Variants in DHX9 observed in about 807,000 individuals in gnomAD.
DHX9 encodes the protein ATP-dependent RNA helicase A.
A neutral mutation model predicts 148.7 loss-of-function variants in DHX9; 27 were observed. The ratio of observed to expected loss-of-function variants is 0.18; its 90% CI spans 0.13 to 0.25. The LOEUF is 0.25. DHX9 is among the 10% of genes least tolerant of loss of function. The pLI, the probability that DHX9 is intolerant of heterozygous loss-of-function variation, is 1.00. For synonymous variants in DHX9, 529 were observed against 516.6 expected (o/e 1.02, Z -0.33); for missense variants, 796 against 1,559.6 (o/e 0.51, Z 8.25).
At position 182,887,192 on chromosome 1, in the gene DHX9, A is replaced by G; in HGVS notation, c.3571A>G (p.Ser1191Gly). ...SGGGYGGGYS[S>G]GGYGSGGYGG... ...TGGAGGCTATGGCGGTGGCTATAGC[A>G]GTGGAGGCTATGGTAGCGGAGGCTA... The change falls in exon 28 of 28, where the codon AGT becomes GGT. Residue 1191 changes from serine (S) to glycine (G), a missense_variant. Around this residue, in one of 14 missense-constraint regions of DHX9, gnomAD observed 98 missense variants for 105.5 expected, o/e 0.93. Transcript: ENST00000367549. 6.2e-7 allele frequency: 1 copy of G among 1,614,090 alleles called. No individual in the cohort carries two copies. The highest frequency in any genetic ancestry group is 8.5e-7 in the Non-Finnish European group (1 of 1,179,972).
Position 182,853,387 on chromosome 1 carries a change from A to G in DHX9, c.446A>G (p.Tyr149Cys), listed in dbSNP as rs1409649447. 1.2e-6 allele frequency: 2 copies of G among 1,613,978 alleles called. No homozygotes were observed. Among genetic ancestry groups the G allele is most frequent in the Non-Finnish European group, 1.7e-6 (2 of 1,179,960 alleles). ...CGAGGAGCCAACTTGAAGGATTACT[A>G]CTCAAGAAAGGAAGAACAAGAAGTG... is the stretch of plus-strand genomic sequence containing the variant. ...WDRGANLKDYYSRKEEQEVQA... is the reference protein window; with the variant it reads ...WDRGANLKDYCSRKEEQEVQA... Residue 149 changes from tyrosine (Y) to cysteine (C), a missense_variant, in exon 5 of 28, where the codon TAC becomes TGC. Around this residue, in one of 14 missense-constraint regions of DHX9, gnomAD observed 46 missense variants for 136.3 expected, o/e 0.34. Transcript: ENST00000367549.
At chr1:182,852,131 G>C in intron 3 of DHX9, 102 bp from the exon 4 acceptor site, 1 of 641,498 alleles carries the variant, frequency 1.6e-6, no homozygotes, top group Non-Finnish European at 2.7e-6. Flanking sequence ...ATATTACAAA[G>C]AAAGGAGGTA....
intron 21 of DHX9, among the ~76,000 whole-genome samples, 164 bp from the exon 22 acceptor site, chr1:182,880,333 T>C (rs967151558): frequency 1.3e-5 from 2 of 152,240 alleles, no homozygotes; most frequent in African/African-American, 4.8e-5. Flanking sequence ...TTGATTTTGT[T>C]CTATTTTTGA....
chr1:182,871,357 AT>A (rs1648547239), intron 14 of DHX9, among the ~76,000 whole-genome samples: 2 of 152,232 alleles, frequency 1.3e-5, no homozygotes. Flanking sequence ...TGTTTATTTA[AT>A]AAAAAGTGAC....
Position 182,860,973 on chromosome 1 carries a change from G to T in DHX9, c.1332+789G>T, listed in dbSNP as rs192138577. 6.6e-5 allele frequency among the ~76,000 whole-genome samples: 10 copies of T among 152,264 alleles called. No homozygotes were observed. The East Asian group carries it at 1.7e-3, about 26-fold the overall frequency. ...TTGACTTAGAAATTATTTTTTCCCCGATGGGTTAATGTTGCTTAACCTGGG... is the reference window on the plus strand; with the variant it reads ...TTGACTTAGAAATTATTTTTTCCCCTATGGGTTAATGTTGCTTAACCTGGG... On this transcript the variant is annotated intron_variant, in intron 12 of 27. Coordinates refer to ENST00000367549, the MANE Select transcript of DHX9 (RefSeq NM_001357.5).
chr1:182,876,707 T>A, intron 18 of DHX9, 123 bp from the exon 19 acceptor site: 1 of 912,962 alleles, frequency 1.1e-6, no homozygotes, highest in Non-Finnish European at 1.7e-6. Context: ...ATTAATCAGT[T>A]ATTGGGTGAT....
At chr1:182,859,935 A>T in intron 11 of DHX9, 58 bp from the exon 12 acceptor site, 1 of 1,532,140 alleles carries the variant, frequency 6.5e-7, no homozygotes, top group Non-Finnish European at 8.9e-7. Flanking sequence ...AAGGATCAAG[A>T]CAGTTGCTTC....
intron 15 of DHX9, among the ~76,000 whole-genome samples, chr1:182,874,253 G>A (rs1310184380): frequency 2.0e-5 from 3 of 152,186 alleles, no homozygotes; most frequent in Non-Finnish European, 4.4e-5. Context: ...AAATTTGGCA[G>A]GCACTACCAC....
intron 12 of DHX9, among the ~76,000 whole-genome samples, chr1:182,863,709 T>TA (rs771724396): frequency 1.3e-5 from 2 of 152,178 alleles, no homozygotes; most frequent in Non-Finnish European, 2.9e-5. Flanking sequence ...TAGTCATTGA[T>TA]ACGCTCACGT....
chr1:182,853,364 A>G lies in DHX9; in HGVS notation c.423A>G (p.Arg141=). Residue 141 remains arginine, a synonymous_variant, in exon 5 of 28, where the codon CGA becomes CGG. Transcript: ENST00000367549. Reference sequence around the variant, plus strand: ...GTGTTCCTGGGCCCACCTGGGACCGAGGAGCCAACTTGAAGGATTACTACT... The same window carrying G: ...GTGTTCCTGGGCCCACCTGGGACCGGGGAGCCAACTTGAAGGATTACTACT... ...GYGVPGPTWD[R]GANLKDYYSR... The G allele has an allele frequency of 6.2e-7, 1 of 1,614,124 alleles. No individual in the cohort carries two copies. Among genetic ancestry groups the G allele is most frequent in the Non-Finnish European group, 8.5e-7 (1 of 1,180,006 alleles).
intron 16 of DHX9, chr1:182,875,239 T>A: frequency 2.1e-6 from 1 of 470,050 alleles, no homozygotes; most frequent in Non-Finnish European, 4.2e-6. Flanking sequence ...GACAATGCTG[T>A]TGTATAAGGT....
intron 14 of DHX9, among the ~76,000 whole-genome samples, chr1:182,867,921 T>C (rs1648374138): frequency 6.6e-6 from 1 of 152,216 alleles, no homozygotes; most frequent in African/African-American, 2.4e-5. Flanking sequence ...TTTCAAAGGT[T>C]TCAGTGCATG....
Position 182,866,953 on chromosome 1 carries a change from T to C in DHX9, c.1475-8T>C. 6.2e-7 allele frequency: 1 copy of C among 1,601,374 alleles called. No homozygotes were observed. The highest frequency in any genetic ancestry group is 8.5e-7 in the Non-Finnish European group (1 of 1,176,050). On this transcript the variant is annotated splice_region_variant and splice_polypyrimidine_tract_variant and intron_variant, in intron 13 of 27. Coordinates refer to ENST00000367549, the MANE Select transcript of DHX9 (RefSeq NM_001357.5). ...TTCTATAGTTTATTGATTGTTTTTC[T>C]TTTCAAGGTGTGCTCCTGAGAAAAT... is the stretch of plus-strand genomic sequence containing the variant.
chr1:182,877,821 A>G (rs1209773067), intron 19 of DHX9, 200 bp from the exon 20 acceptor site: 2 of 594,638 alleles, frequency 3.4e-6, no homozygotes, highest in Non-Finnish European at 5.6e-6. Context: ...TGGCAAGTGG[A>G]TGTTACATTG....
In DHX9 at chr1:182,860,279, G is replaced by A. The variant is rs565037827; in HGVS notation, c.1332+95G>A. 158 of 1,042,870 alleles carry A rather than the reference G, an allele frequency of 1.5e-4. 1 individual carries two copies. In the African/African-American group the frequency reaches 2.4e-3, roughly 16 times the overall value. The allele number at this position is 1,042,870 out of a possible 1,614,324, so 64.6% of individuals were successfully genotyped here. Reference sequence around the variant, plus strand: ...TTTTTGTAATTATTTAAGATTGAGAGAGCATTGTGCCCTTGAAATTAAATT... The same window carrying A: ...TTTTTGTAATTATTTAAGATTGAGAAAGCATTGTGCCCTTGAAATTAAATT... On this transcript the variant is annotated intron_variant, in intron 12 of 27. Coordinates refer to ENST00000367549, the MANE Select transcript of DHX9 (RefSeq NM_001357.5).
chr1:182,878,210 G>C (rs774328120), intron 20 of DHX9, 37 bp downstream of exon 20: 1 of 1,611,230 alleles, frequency 6.2e-7, no homozygotes, highest in Non-Finnish European at 8.5e-7. Flanking sequence ...AGGGATTTTT[G>C]TTCTGTTCTC....
At chr1:182,848,248 A>G (rs560468410) in intron 3 of DHX9, among the ~76,000 whole-genome samples, 1 of 152,350 alleles carries the variant, frequency 6.6e-6, no homozygotes, top group African/African-American at 2.4e-5. Flanking sequence ...GTGTTTCTCA[A>G]CTGGAGACCA....
At chr1:182,850,973 T>C (rs1668132922) in intron 3 of DHX9, among the ~76,000 whole-genome samples, 1 of 151,958 alleles carries the variant, frequency 6.6e-6, no homozygotes, top group Admixed American at 6.6e-5. Flanking sequence ...TTGGTGTAGA[T>C]AGAGAGTGAG....
At chr1:182,842,752 T>C in intron 2 of DHX9, 75 bp downstream of exon 2, 1 of 1,196,130 alleles carries the variant, frequency 8.4e-7, no homozygotes, top group Non-Finnish European at 1.2e-6. Flanking sequence ...TGTTTTCTGT[T>C]TGGAGATGTT....
Sources: allele counts gnomAD v4.1 joint callset (sites outside exome capture counted in the v4.1 genomes callset), GRCh38; gene constraint gnomAD v4.1.1; regional missense constraint gnomAD v4.1.1; transcripts MANE v1.5; gene names NCBI Gene and HGNC (gene_info 2026-07-23, HGNC 2026-07-21).